The following DMAP1 variants were observed in gnomAD, a reference collection of about 807,000 sequenced individuals.
DMAP1 encodes the protein DNA methyltransferase 1 associated protein 1, also known as DNA methyltransferase 1-associated protein 1.
DMAP1 carries 26 observed loss-of-function variants against 52.7 expected under a neutral mutation model. The observed-to-expected ratio is 0.49, with a 90% CI of 0.36 to 0.68. The LOEUF is 0.68. Among genes scored for constraint, DMAP1 ranks in the 30% least tolerant of loss-of-function variants. The probability of loss-of-function intolerance (pLI) is 0.00; values close to 1 mark genes in which losing one functional copy is unlikely to be tolerated. For missense variants in DMAP1, 439 were observed against 625.2 expected, an observed-to-expected ratio of 0.70 and a Z score of 3.18; for synonymous variants, 231 against 246.0, an observed-to-expected ratio of 0.94 and a Z score of 0.57.
Position 44,213,556 on chromosome 1 carries a change from G to A in DMAP1, c.-198G>A, listed in dbSNP as rs149778481. 255 of 529,486 alleles carry A rather than the reference G, an allele frequency of 4.8e-4. 2 individuals are homozygous for A. Among genetic ancestry groups the A allele is most frequent in the African/African-American group, 4.3e-3 (217 of 51,008 alleles). 32.8% of individuals were successfully genotyped at this position (529,486 alleles called of 1,614,324 possible). A position where few individuals can be genotyped will look rare whatever the true frequency, so the allele number is the denominator to read the frequency against. On this transcript the variant is annotated 5_prime_UTR_variant, in exon 1 of 10. Coordinates refer to ENST00000372289, the MANE Select transcript of DMAP1 (RefSeq NM_019100.5). The surrounding 1 kb of genome is among the most constrained non-coding windows in gnomAD (Gnocchi z 4.5). The stretch of plus-strand genomic sequence containing the variant: ...CGGAAGTGCGAGGGCCCAGGTGGCT[G>A]AAGGGGCCGTTAGGAACATCCAAGC...
rs1427275337 is a variant in DMAP1, at chr1:44,220,323, C to T, written c.1344+14C>T. ...ACGCCCAATTCGGTAAGAGTCTGGACAGGCTGGGAGGCACGCCTGGGCCCT... is the reference window on the plus strand; with the variant it reads ...ACGCCCAATTCGGTAAGAGTCTGGATAGGCTGGGAGGCACGCCTGGGCCCT... On this transcript the variant is annotated intron_variant, in intron 9 of 9. Transcript: ENST00000372289. 5.2e-6 allele frequency: 8 copies of T among 1,538,674 alleles called. No homozygotes were observed. Among genetic ancestry groups the T allele is most frequent in the Non-Finnish European group, 7.0e-6 (8 of 1,139,472 alleles).
chr1:44,219,668 G>C lies in DMAP1; in HGVS notation c.979-138G>C, dbSNP rs1286567135. 5 of 1,232,842 alleles carry C rather than the reference G, an allele frequency of 4.1e-6. No individual in the cohort carries two copies. In the African/African-American group the frequency reaches 7.5e-5, roughly 19 times the overall value. The allele number at this position is 1,232,842 out of a possible 1,614,324, so 76.4% of individuals were successfully genotyped here. A position where few individuals can be genotyped will look rare whatever the true frequency, so the allele number is the denominator to read the frequency against. On this transcript the variant is annotated intron_variant, in intron 7 of 9. Transcript: ENST00000372289. ...AGCTTTCACTATATTCAGCTTCCTG[G>C]CTATTTCCTTTTCTGGCCCATAGTT...
chr1:44,215,423 AACTTGGGGGATCGTCCTTG>A (rs1161021602), intron 3 of DMAP1: 10 of 440,880 alleles, frequency 2.3e-5, no homozygotes, highest in Non-Finnish European at 4.2e-5. Flanking sequence ...CCAAACCAGA[AACTTGGGGGATCGTCCTTG>A]ACTTAGTCTT....
chr1:44,214,373 G>A lies in DMAP1; in HGVS notation c.129G>A (p.Glu43=), dbSNP rs1335181753. Residue 43 remains glutamate (E), a synonymous_variant, in exon 2 of 10, where the codon GAG becomes GAA. Coordinates refer to ENST00000372289, the MANE Select transcript of DMAP1 (RefSeq NM_019100.5). ...AGAAAAAATCCAAGAAGTCCTCTGAGACACTGACTTTCAAGAGGCCCGAGG... is the reference window on the plus strand; with the variant it reads ...AGAAAAAATCCAAGAAGTCCTCTGAAACACTGACTTTCAAGAGGCCCGAGG... ...PDKKKSKKSS[E]TLTFKRPEGM... 2 of 1,614,132 alleles carry A rather than the reference G, an allele frequency of 1.2e-6. No individual in the cohort carries two copies. Among genetic ancestry groups the A allele is most frequent in the East Asian group, 2.2e-5 (1 of 44,886 alleles).
At position 44,218,655 on chromosome 1, in the gene DMAP1, C is replaced by G. The variant is rs757527244; in HGVS notation, c.620C>G (p.Ala207Gly). 5 of 1,613,902 alleles carry G rather than the reference C, an allele frequency of 3.1e-6. No individual in the cohort carries two copies. The highest frequency in any genetic ancestry group is 4.2e-6 in the Non-Finnish European group (5 of 1,179,924). ...HICAKLANVR[A>G]VPGTDLKIPV... ...TGTGCTAAGCTTGCCAACGTGCGGGCTGTGCCAGGCACAGACCTTAAGATA... is the reference window on the plus strand; with the variant it reads ...TGTGCTAAGCTTGCCAACGTGCGGGGTGTGCCAGGCACAGACCTTAAGATA... The change falls in exon 5 of 10, where the codon GCT becomes GGT. Residue 207 changes from alanine to glycine, a missense_variant. This residue lies in a region of DMAP1 where 142 missense variants were observed against 149.5 expected (regional missense o/e 0.95). Transcript: ENST00000372289. This position sits in a 1 kb window ranked among gnomAD's most constrained non-coding sequence, Gnocchi z 5.6.
rs1431599949 is a variant in DMAP1, at chr1:44,219,154, A to G, written c.819A>G (p.Thr273=). The change falls in exon 6 of 10, where the codon ACA becomes ACG. Residue 273 remains threonine, a synonymous_variant. Coordinates refer to ENST00000372289, the MANE Select transcript of DMAP1 (RefSeq NM_019100.5). ...KRSQDLQKLI[T]AADTTAEQRR... ...GCCAGGACCTGCAGAAGCTGATCAC[A>G]GCGGCAGACACCACTGCAGAGCAGC... The G allele has an allele frequency of 6.2e-7, 1 of 1,614,084 alleles. No individual in the cohort carries two copies. Among genetic ancestry groups the G allele is most frequent in the Non-Finnish European group, 8.5e-7 (1 of 1,180,038 alleles).
At chr1:44,215,167 G>C (rs961602872) in intron 3 of DMAP1, 27 of 599,072 alleles carry the variant, frequency 4.5e-5, no homozygotes, top group African/African-American at 4.4e-4. Context: ...TGTATCCTAG[G>C]TGCTCTAGTC....
At chr1:44,216,034 C>T (rs984698424) in intron 3 of DMAP1, 1 of 152,250 alleles carries the variant, frequency 6.6e-6, no homozygotes, top group Non-Finnish European at 1.5e-5. Flanking sequence ...AAACTTCCCA[C>T]ACGGTACCAA....
chr1:44,213,824 C>T lies in DMAP1; in HGVS notation c.71C>T (p.Thr24Ile), dbSNP rs2154314105. 1 of 1,594,828 alleles carries T rather than the reference C, an allele frequency of 6.3e-7. No homozygotes were observed. The highest frequency in any genetic ancestry group is 2.3e-5 in the East Asian group (1 of 43,502). ...CCAGAAGGGGATGCAGCCTCTGGGA[C>T]CATCAGCAAGAAGGACATTATCAAC... The part of the protein sequence containing the change: ...GGPEGDAASG[T>I]ISKKDIINPD... Residue 24 changes from threonine to isoleucine, a missense_variant, in exon 1 of 10, where the codon ACC (threonine) becomes ATC (isoleucine). Thr to Ile is a moderately conservative substitution (Grantham distance 89). Around this residue, in one of 3 missense-constraint regions of DMAP1, gnomAD observed 118 missense variants for 189.8 expected, o/e 0.62. Coordinates refer to ENST00000372289, the MANE Select transcript of DMAP1 (RefSeq NM_019100.5). The surrounding 1 kb of genome is among the most constrained non-coding windows in gnomAD (Gnocchi z 4.5).
intron 3 of DMAP1, chr1:44,216,794 CAGG>C (rs144717815): frequency 0.018 from 2,744 of 152,384 alleles, 32 homozygotes; most frequent in African/African-American, 0.026. Flanking sequence ...ACAGTGGCTG[CAGG>C]AGGAGGCCAG....
At position 44,218,801 on chromosome 1, in the gene DMAP1, G is replaced by C; in HGVS notation, c.720+46G>C. 6.4e-7 allele frequency: 1 copy of C among 1,555,916 alleles called. No individual in the cohort carries two copies. The highest frequency in any genetic ancestry group is 8.7e-7 in the Non-Finnish European group (1 of 1,147,500). ...CTGTCCTCCATGCCCCAAACCCCTT[G>C]CTCATTGTCTCCATCCTCCATCCCC... On this transcript the variant is annotated intron_variant, in intron 5 of 9. Transcript: ENST00000372289. The surrounding 1 kb of genome is among the most constrained non-coding windows in gnomAD (Gnocchi z 5.6).
rs142027904 is a variant in DMAP1, at chr1:44,215,293, C to T, written c.393+395C>T. 2.0e-5 allele frequency: 9 copies of T among 459,262 alleles called. No individual in the cohort carries two copies. The East Asian group carries it at 6.2e-4, about 32-fold the overall frequency. 28.4% of individuals were successfully genotyped at this position (459,262 alleles called of 1,614,324 possible). On this transcript the variant is annotated intron_variant, in intron 3 of 9. Coordinates refer to ENST00000372289, the MANE Select transcript of DMAP1 (RefSeq NM_019100.5). ...CAGTCATTTACTAATATCTCTTTCT[C>T]AATGCCCCACAGGTACCTTACATCA...
chr1:44,214,116 T>C (rs902099010), intron 1 of DMAP1, among the ~76,000 whole-genome samples: 5 of 152,122 alleles, frequency 3.3e-5, no homozygotes, highest in Admixed American at 6.5e-5. Flanking sequence ...CAAGATATTG[T>C]TGGGGAGAGA....
rs937826399 is a variant in DMAP1, at chr1:44,215,589, G to A, written c.393+691G>A. ...GTAACACGAAACCAGGATTTGAATGGATATGAAATGAGATAAAGAGTGAAC... is the reference window on the plus strand; with the variant it reads ...GTAACACGAAACCAGGATTTGAATGAATATGAAATGAGATAAAGAGTGAAC... On this transcript the variant is annotated intron_variant, in intron 3 of 9. Transcript: ENST00000372289. 1.9e-5 allele frequency: 6 copies of A among 323,150 alleles called. No individual in the cohort carries two copies. The East Asian group carries it at 3.9e-4, about 21-fold the overall frequency. 20.0% of individuals were successfully genotyped at this position (323,150 alleles called of 1,614,324 possible).
intron 3 of DMAP1, chr1:44,216,007 G>C (rs1643785211): frequency 6.6e-6 from 1 of 152,316 alleles, no homozygotes. Flanking sequence ...AGTGTCACTT[G>C]TTATACCCTA....
chr1:44,214,961 G>A lies in DMAP1; in HGVS notation c.393+63G>A, dbSNP rs1557754258. ...CTCCCACTTTGAGCCATTTGTGCGA[G>A]CTCTCCAGTCTCCTAGGGTTGGTTC... On this transcript the variant is annotated intron_variant, in intron 3 of 9. Coordinates refer to ENST00000372289, the MANE Select transcript of DMAP1 (RefSeq NM_019100.5). 1.9e-6 allele frequency: 3 copies of A among 1,592,054 alleles called. No homozygotes were observed. The South Asian group carries it at 3.4e-5, about 18-fold the overall frequency.
chr1:44,219,736 T>A, intron 7 of DMAP1, 70 bp from the exon 8 acceptor site: 1 of 1,567,540 alleles, frequency 6.4e-7, no homozygotes, highest in Non-Finnish European at 8.7e-7. Flanking sequence ...TCTTTCCCTC[T>A]GCCTTTTGTC....
chr1:44,214,119 G>A (rs996343476), intron 1 of DMAP1, among the ~76,000 whole-genome samples: 1 of 152,188 alleles, frequency 6.6e-6, no homozygotes, highest in African/African-American at 2.4e-5. Context: ...GATATTGTTG[G>A]GGAGAGATCA....
At position 44,219,536 on chromosome 1, in the gene DMAP1, T is replaced by G. The variant is rs948410194; in HGVS notation, c.978+59T>G. 8 of 1,482,306 alleles carry G rather than the reference T, an allele frequency of 5.4e-6. No individual in the cohort carries two copies. The Admixed American group carries it at 1.1e-4, about 21-fold the overall frequency. The allele number at this position is 1,482,306 out of a possible 1,614,324, so 91.8% of individuals were successfully genotyped here. On this transcript the variant is annotated intron_variant, in intron 7 of 9. Transcript: ENST00000372289. ...CCTGGGCTCTGCTCTGGGCTCCATG[T>G]GTCCCAAACGCTGCAGGCAGGTGGG... is the stretch of plus-strand genomic sequence containing the variant.
Sources: gnomAD v4.1 joint callset for allele counts (sites outside exome capture counted in the v4.1 genomes callset) on GRCh38, gnomAD v4.1.1 for gene constraint, gnomAD v4.1.1 regional missense constraint, Gnocchi (gnomAD v3.1) non-coding constraint, MANE v1.5 for transcripts, NCBI Gene and HGNC (gene_info 2026-07-23, HGNC 2026-07-21) for gene names.